The following C8orf34 variants were observed in gnomAD, a reference collection of about 807,000 sequenced individuals.
The protein encoded by C8orf34 is chromosome 8 open reading frame 34.
C8orf34 carries 65 observed loss-of-function variants against 68.3 expected under a neutral mutation model. The ratio of observed to expected loss-of-function variants is 0.95; its 90% confidence interval spans 0.78 to 1.17. C8orf34 has a LOEUF of 1.17. Among genes scored for constraint, C8orf34 ranks in the 50% most tolerant of loss-of-function variants. C8orf34 has a pLI of 0.00. For synonymous variants in C8orf34, 244 were observed against 241.2 expected (o/e 1.01, Z -0.11); for missense variants, 664 against 655.4 (o/e 1.01, Z -0.14).
intron 1 of C8orf34, among the ~76,000 whole-genome samples, chr8:68,354,930 A>G (rs767034020): frequency 6.6e-6 from 1 of 152,046 alleles, no homozygotes; most frequent in Non-Finnish European, 1.5e-5. Context: ...AGCTCAGCAA[A>G]TATCTGTTGA....
At chr8:68,404,220 G>A in intron 1 of C8orf34, among the ~76,000 whole-genome samples, 1 of 152,152 alleles carries the variant, frequency 6.6e-6, no homozygotes, top group Admixed American at 6.5e-5. Context: ...TTTTGATAGG[G>A]TCGTTTGTTT....
At chr8:68,608,962 C>T (rs569976049) in intron 7 of C8orf34, among the ~76,000 whole-genome samples, 1 of 152,090 alleles carries the variant, frequency 6.6e-6, no homozygotes, top group Non-Finnish European at 1.5e-5. Flanking sequence ...GAGTTCAGGA[C>T]TTCAAATCTG....
At chr8:68,462,904 A>C (rs1408263132) in intron 3 of C8orf34, among the ~76,000 whole-genome samples, 1 of 152,174 alleles carries the variant, frequency 6.6e-6, no homozygotes, top group African/African-American at 2.4e-5. Context: ...GAGCAAACAC[A>C]TTCAAAAGCT....
chr8:68,437,301 G>A (rs1217145282), intron 1 of C8orf34, among the ~76,000 whole-genome samples: 3 of 152,086 alleles, frequency 2.0e-5, no homozygotes, highest in African/African-American at 7.2e-5. Context: ...CATCTACTCT[G>A]AAAGGTAAAT....
At chr8:68,816,130 G>GTGTGTGTGTGTT (rs931639121) in intron 13 of C8orf34, among the ~76,000 whole-genome samples, 185 bp downstream of exon 13, 65 of 134,946 alleles carry the variant, frequency 4.8e-4, no homozygotes, top group African/African-American at 1.9e-3. Context: ...GTGTGTGTGT[G>GTGTGTGTGTGTT]TGTTTCTCTG....
intron 8 of C8orf34, among the ~76,000 whole-genome samples, chr8:68,705,092 G>A (rs575738995): frequency 6.6e-6 from 1 of 152,326 alleles, no homozygotes; most frequent in South Asian, 2.1e-4. Flanking sequence ...GGTTAGCCAT[G>A]TGCAATGAGA....
intron 11 of C8orf34, among the ~76,000 whole-genome samples, chr8:68,786,516 G>C (rs2129528968): frequency 6.6e-6 from 1 of 152,312 alleles, no homozygotes; most frequent in East Asian, 1.9e-4. Flanking sequence ...TAAAGGAATA[G>C]AGGAGTAACT....
At chr8:68,687,402 T>C (rs1820551449) in intron 8 of C8orf34, among the ~76,000 whole-genome samples, 1 of 152,018 alleles carries the variant, frequency 6.6e-6, no homozygotes, top group African/African-American at 2.4e-5. Context: ...ACGATACTGG[T>C]ATAAAAATAG....
intron 8 of C8orf34, among the ~76,000 whole-genome samples, chr8:68,695,076 T>C (rs1820788160): frequency 6.6e-6 from 1 of 151,616 alleles, no homozygotes. Context: ...AAACTTAATA[T>C]CTAGAAAATA....
chr8:68,435,178 CAT>C (rs1334353865), intron 1 of C8orf34, among the ~76,000 whole-genome samples: 2 of 147,424 alleles, frequency 1.4e-5, no homozygotes, highest in African/African-American at 5.0e-5. Context: ...TAATAATAAA[CAT>C]AAATATATAA....
intron 1 of C8orf34, among the ~76,000 whole-genome samples, chr8:68,394,908 A>G (rs1315506602): frequency 6.6e-6 from 1 of 152,100 alleles, no homozygotes; most frequent in African/African-American, 2.4e-5. Flanking sequence ...GATAGTTCTA[A>G]CTTAATGAAT....
At chr8:68,690,567 T>C (rs1820657848) in intron 8 of C8orf34, among the ~76,000 whole-genome samples, 1 of 151,934 alleles carries the variant, frequency 6.6e-6, no homozygotes. Context: ...ACATGATGAA[T>C]GGGGTCAACA....
At chr8:68,340,313 T>G (rs1319106866) in intron 1 of C8orf34, among the ~76,000 whole-genome samples, 1 of 152,066 alleles carries the variant, frequency 6.6e-6, no homozygotes, top group African/African-American at 2.4e-5. Context: ...AATAAAAACA[T>G]GAATTAATGA....
intron 1 of C8orf34, among the ~76,000 whole-genome samples, chr8:68,362,647 A>T (rs1807056996): frequency 6.6e-6 from 1 of 152,176 alleles, no homozygotes; most frequent in Non-Finnish European, 1.5e-5. Flanking sequence ...GACACCTCAC[A>T]CGGCAGGATA....
intron 5 of C8orf34, among the ~76,000 whole-genome samples, chr8:68,491,696 A>G (rs1408484568): frequency 1.3e-5 from 2 of 152,228 alleles, no homozygotes; most frequent in East Asian, 1.9e-4. Context: ...TTGCATATTC[A>G]TGCAAATGTA....
intron 8 of C8orf34, among the ~76,000 whole-genome samples, chr8:68,688,684 G>A (rs1056990653): frequency 1.3e-5 from 2 of 152,068 alleles, no homozygotes; most frequent in African/African-American, 4.8e-5. Flanking sequence ...GTCCTTTGCA[G>A]GGACATAGAT....
chr8:68,742,687 A>G (rs1585810478), intron 10 of C8orf34, among the ~76,000 whole-genome samples: 1 of 152,210 alleles, frequency 6.6e-6, no homozygotes, highest in Non-Finnish European at 1.5e-5. Flanking sequence ...ACCTTTAGCT[A>G]CTATTGCCCT....
chr8:68,808,400 G>A (rs981523227), intron 12 of C8orf34, among the ~76,000 whole-genome samples: 4 of 151,936 alleles, frequency 2.6e-5, no homozygotes, highest in African/African-American at 9.7e-5. Flanking sequence ...GCCAAACATA[G>A]TATGTGCTTG....
intron 3 of C8orf34, among the ~76,000 whole-genome samples, chr8:68,448,496 T>C (rs541257085): frequency 2.0e-5 from 3 of 152,280 alleles, no homozygotes; most frequent in East Asian, 3.9e-4. Flanking sequence ...GAGTTAAAGA[T>C]GCATTTTTCA....
Sources: allele counts gnomAD v4.1 joint callset (sites outside exome capture counted in the v4.1 genomes callset), GRCh38; gene constraint gnomAD v4.1.1; transcripts MANE v1.5; gene names NCBI Gene and HGNC (gene_info 2026-07-23, HGNC 2026-07-21).